The following PTK2 variants were observed in gnomAD, a reference collection of about 807,000 sequenced individuals.
PTK2 encodes focal adhesion kinase 1.
PTK2 carries 45 observed loss-of-function variants against 150.1 expected under a neutral mutation model. The observed-to-expected ratio is 0.30, with a 90% CI of 0.24 to 0.38. PTK2 has a LOEUF of 0.38. PTK2 is among the 10% of genes least tolerant of loss of function. PTK2 has a pLI of 1.00. For synonymous variants in PTK2, 432 were observed against 449.2 expected (o/e 0.96, Z 0.48); for missense variants, 919 against 1,307.3 (o/e 0.70, Z 4.58).
chr8:140,875,671 C>T (rs1175479609), intron 4 of PTK2, among the ~76,000 whole-genome samples: 1 of 152,198 alleles, frequency 6.6e-6, no homozygotes, highest in African/African-American at 2.4e-5. Flanking sequence ...TCCTGTACAA[C>T]TGTTTCTCAC....
chr8:140,785,079 C>T (rs1295736830), intron 14 of PTK2, among the ~76,000 whole-genome samples: 1 of 152,176 alleles, frequency 6.6e-6, no homozygotes, highest in East Asian at 1.9e-4. Flanking sequence ...ATCCTCTCTA[C>T]CCCTGCCCAA....
At chr8:140,788,357 T>C (rs2100086231) in intron 14 of PTK2, among the ~76,000 whole-genome samples, 1 of 152,140 alleles carries the variant, frequency 6.6e-6, no homozygotes, top group Non-Finnish European at 1.5e-5. Flanking sequence ...GAGTAAGGGC[T>C]TATGGGACAT....
intron 1 of PTK2, among the ~76,000 whole-genome samples, chr8:140,954,988 G>A (rs1027741638): frequency 1.3e-5 from 2 of 152,056 alleles, no homozygotes; most frequent in African/African-American, 4.8e-5. Flanking sequence ...TTTGGAAAAG[G>A]CCTGTCTTCA....
At chr8:140,905,968 A>G (rs1342424297) in intron 2 of PTK2, among the ~76,000 whole-genome samples, 3 of 152,132 alleles carry the variant, frequency 2.0e-5, no homozygotes, top group East Asian at 3.8e-4. Flanking sequence ...TTTGAAACCA[A>G]TGAGAATGAA....
At chr8:140,837,676 C>T (rs1479833822) in intron 7 of PTK2, among the ~76,000 whole-genome samples, 1 of 152,118 alleles carries the variant, frequency 6.6e-6, no homozygotes, top group African/African-American at 2.4e-5. Context: ...TTACACTGGG[C>T]TGAGATCATG....
intron 7 of PTK2, among the ~76,000 whole-genome samples, chr8:140,842,294 A>G (rs2100122816): frequency 6.6e-6 from 1 of 152,066 alleles, no homozygotes; most frequent in Non-Finnish European, 1.5e-5. Context: ...AAGGGCTCAA[A>G]ATTAAATCAA....
intron 14 of PTK2, among the ~76,000 whole-genome samples, chr8:140,776,307 G>T (rs1467461245): frequency 2.0e-5 from 3 of 152,186 alleles, no homozygotes; most frequent in Non-Finnish European, 2.9e-5. Context: ...CTGGCCAATA[G>T]TTACATTATT....
At chr8:140,883,841 C>T (rs1349917134) in intron 3 of PTK2, among the ~76,000 whole-genome samples, 1 of 152,088 alleles carries the variant, frequency 6.6e-6, no homozygotes, top group African/African-American at 2.4e-5. Context: ...TAAAACACAA[C>T]AAGTGCATTA....
chr8:140,788,420 C>T (rs897876558), intron 14 of PTK2, among the ~76,000 whole-genome samples: 4 of 152,124 alleles, frequency 2.6e-5, no homozygotes, highest in East Asian at 1.9e-4. Flanking sequence ...CAGTGGCTCA[C>T]GCCTATAATT....
intron 1 of PTK2, among the ~76,000 whole-genome samples, chr8:140,995,533 C>G (rs2100197341): frequency 6.6e-6 from 1 of 152,070 alleles, no homozygotes; most frequent in East Asian, 1.9e-4. Flanking sequence ...GGGCCGGGCA[C>G]AGTGGTGATG....
chr8:140,958,653 C>T (rs1213987774), intron 1 of PTK2, among the ~76,000 whole-genome samples: 1 of 152,220 alleles, frequency 6.6e-6, no homozygotes, highest in Non-Finnish European at 1.5e-5. Context: ...GTGTAAAATA[C>T]ACACTGAATT....
At chr8:140,684,652 G>A (rs1478272142) in intron 27 of PTK2, among the ~76,000 whole-genome samples, 1 of 152,162 alleles carries the variant, frequency 6.6e-6, no homozygotes, top group Non-Finnish European at 1.5e-5. Context: ...TAGCTAACCA[G>A]GGAGGTGAAA....
chr8:140,778,988 C>G (rs1160832468), intron 14 of PTK2, among the ~76,000 whole-genome samples: 1 of 152,036 alleles, frequency 6.6e-6, no homozygotes. Flanking sequence ...GGGCTGGGCA[C>G]AGTGGGTCAC....
chr8:140,873,163 T>C (rs1482162948), intron 4 of PTK2, among the ~76,000 whole-genome samples: 2 of 152,256 alleles, frequency 1.3e-5, no homozygotes, highest in Non-Finnish European at 2.9e-5. Flanking sequence ...GGGCATGTAA[T>C]CACTTGACAT....
At chr8:140,920,719 T>G in intron 2 of PTK2, 1 of 1,174,580 alleles carries the variant, frequency 8.5e-7, no homozygotes, top group South Asian at 2.1e-5. Context: ...TAACTGTAAA[T>G]ATATTGAAAT....
chr8:140,870,802 T>C (rs1042988724), intron 4 of PTK2, among the ~76,000 whole-genome samples: 1 of 152,264 alleles, frequency 6.6e-6, no homozygotes, highest in African/African-American at 2.4e-5. Flanking sequence ...ATTTGAATAC[T>C]AATGGGATAG....
chr8:140,714,029 C>T (rs537618311), intron 23 of PTK2, among the ~76,000 whole-genome samples: 1 of 152,054 alleles, frequency 6.6e-6, no homozygotes, highest in African/African-American at 2.4e-5. Flanking sequence ...GCTAGGACCA[C>T]AGGCACACGC....
At chr8:140,755,192 G>C (rs2100064905) in intron 16 of PTK2, among the ~76,000 whole-genome samples, 1 of 152,186 alleles carries the variant, frequency 6.6e-6, no homozygotes. Context: ...AATAATGAGA[G>C]AATGTGCCAG....
intron 5 of PTK2, among the ~76,000 whole-genome samples, chr8:140,862,934 C>A (rs2100137098): frequency 6.6e-6 from 1 of 152,146 alleles, no homozygotes; most frequent in South Asian, 2.1e-4. Flanking sequence ...GCAGCAGGCC[C>A]CAACCTATCT....
Sources: allele counts gnomAD v4.1 joint callset (sites outside exome capture counted in the v4.1 genomes callset), GRCh38; gene constraint gnomAD v4.1.1; transcripts MANE v1.5; gene names NCBI Gene and HGNC (gene_info 2026-07-23, HGNC 2026-07-21).